The following THSD7B variants were observed in gnomAD, a reference collection of about 807,000 sequenced individuals.
THSD7B encodes thrombospondin type 1 domain containing 7B, also known as thrombospondin type-1 domain-containing protein 7B.
In THSD7B, 138 loss-of-function variants were observed where a neutral mutation model predicts 213.6. The observed-to-expected ratio is 0.65, with a 90% CI of 0.56 to 0.74. The LOEUF (loss-of-function observed/expected upper bound fraction) is 0.74, where lower values mean the gene tolerates loss of function less well. Ranked by LOEUF, THSD7B falls within the 30% of genes least tolerant of loss-of-function variation. THSD7B has a pLI of 0.00. For missense variants in THSD7B, 1,931 were observed against 1,991.5 expected, an observed-to-expected ratio of 0.97 and a Z score of 0.58; for synonymous variants, 742 against 687.0, an observed-to-expected ratio of 1.08 and a Z score of -1.25.
chr2:136,879,061 A>G (rs1683572484), intron 1 of THSD7B, among the ~76,000 whole-genome samples: 1 of 152,186 alleles, frequency 6.6e-6, no homozygotes, highest in Admixed American at 6.5e-5. Context: ...TCTAACATTT[A>G]AATCTTTAAT....
chr2:137,317,020 TATAA>T (rs1472185043), intron 12 of THSD7B, among the ~76,000 whole-genome samples: 1 of 152,136 alleles, frequency 6.6e-6, no homozygotes, highest in Non-Finnish European at 1.5e-5. Context: ...GAATTTAGAG[TATAA>T]ATAGAAGTCT....
At chr2:137,518,014 A>G (rs941441033) in intron 15 of THSD7B, among the ~76,000 whole-genome samples, 5 of 152,256 alleles carry the variant, frequency 3.3e-5, no homozygotes, top group Admixed American at 2.6e-4. Flanking sequence ...GCAGCATTAA[A>G]TCATCAAATG....
intron 13 of THSD7B, among the ~76,000 whole-genome samples, chr2:137,407,348 G>A (rs1220053299): frequency 6.6e-6 from 1 of 151,832 alleles, no homozygotes; most frequent in Non-Finnish European, 1.5e-5. Context: ...ATTAACTGCT[G>A]TACTTTCAGG....
intron 7 of THSD7B, among the ~76,000 whole-genome samples, chr2:137,218,541 T>TAA (rs1302208923): frequency 3.5e-4 from 9 of 25,516 alleles, no homozygotes; most frequent in Non-Finnish European, 7.3e-4. Context: ...GTACGGTTTG[T>TAA]TCTTCTTTAG....
At chr2:136,918,194 C>CA (rs1303537823) in intron 2 of THSD7B, among the ~76,000 whole-genome samples, 5 of 152,120 alleles carry the variant, frequency 3.3e-5, no homozygotes, top group African/African-American at 1.2e-4. Flanking sequence ...GGTCTGGAAA[C>CA]AAAATTGACA....
intron 2 of THSD7B, among the ~76,000 whole-genome samples, chr2:136,892,137 C>T (rs1683872380): frequency 6.6e-6 from 1 of 152,106 alleles, no homozygotes. Context: ...CACAGAGAAA[C>T]AGAGAAGAAC....
intron 10 of THSD7B, among the ~76,000 whole-genome samples, chr2:137,264,099 C>G (rs1682519213): frequency 6.6e-6 from 1 of 152,096 alleles, no homozygotes. Context: ...TAGCAGGTAC[C>G]TCACAAATAT....
chr2:137,214,404 A>G (rs2105037532), intron 7 of THSD7B, among the ~76,000 whole-genome samples: 1 of 152,230 alleles, frequency 6.6e-6, no homozygotes, highest in African/African-American at 2.4e-5. Flanking sequence ...TAAAAGTCAT[A>G]CCTTTGGTAG....
At chr2:137,635,131 C>A (rs561073058) in intron 20 of THSD7B, among the ~76,000 whole-genome samples, 2 of 152,100 alleles carry the variant, frequency 1.3e-5, no homozygotes, top group Non-Finnish European at 2.9e-5. Context: ...TAGCAAATAG[C>A]AAATTTACCC....
chr2:137,296,777 C>G (rs982521951), intron 12 of THSD7B, among the ~76,000 whole-genome samples: 1 of 152,000 alleles, frequency 6.6e-6, no homozygotes, highest in African/African-American at 2.4e-5. Flanking sequence ...GGGTACAGCT[C>G]CTCTCACCTG....
intron 3 of THSD7B, among the ~76,000 whole-genome samples, chr2:137,069,912 T>C (rs1687448697): frequency 2.0e-5 from 3 of 150,912 alleles, no homozygotes; most frequent in South Asian, 4.1e-4. Context: ...TAACTATATA[T>C]CTGTGGAAAT....
At chr2:137,475,678 T>C (rs1019765695) in intron 15 of THSD7B, among the ~76,000 whole-genome samples, 18 of 152,160 alleles carry the variant, frequency 1.2e-4, no homozygotes, top group African/African-American at 3.4e-4. Flanking sequence ...GAATAACATA[T>C]ATGTATTGTG....
intron 5 of THSD7B, among the ~76,000 whole-genome samples, chr2:137,151,139 TAATA>T (rs1679810896): frequency 6.6e-6 from 1 of 152,182 alleles, no homozygotes; most frequent in Non-Finnish European, 1.5e-5. Context: ...CTCTTTTCAA[TAATA>T]AATTAATCTT....
At chr2:137,246,259 AT>A (rs1406686307) in intron 10 of THSD7B, among the ~76,000 whole-genome samples, 1 of 152,234 alleles carries the variant, frequency 6.6e-6, no homozygotes, top group Non-Finnish European at 1.5e-5. Flanking sequence ...AGGTTGGGTC[AT>A]CAAAGTTGAG....
At chr2:137,407,927 A>G (rs886072739) in intron 13 of THSD7B, among the ~76,000 whole-genome samples, 2 of 150,612 alleles carry the variant, frequency 1.3e-5, no homozygotes, top group Admixed American at 6.6e-5. Flanking sequence ...TATATATTAT[A>G]TGAGATATAA....
intron 7 of THSD7B, among the ~76,000 whole-genome samples, chr2:137,187,550 A>G (rs535612162): frequency 3.3e-5 from 5 of 152,206 alleles, no homozygotes; most frequent in Non-Finnish European, 5.9e-5. Context: ...TGCACAGTTG[A>G]GACAGGTATC....
intron 17 of THSD7B, among the ~76,000 whole-genome samples, chr2:137,601,061 G>A (rs539614636): frequency 2.0e-5 from 3 of 152,228 alleles, no homozygotes; most frequent in Non-Finnish European, 2.9e-5. Context: ...GCTATACAAC[G>A]TGTTTGTGTT....
chr2:137,616,202 A>G lies in THSD7B; in HGVS notation c.3451A>G (p.Arg1151Gly). 6.2e-7 allele frequency: 1 copy of G among 1,613,796 alleles called. No individual in the cohort carries two copies. The highest frequency in any genetic ancestry group is 1.1e-5 in the South Asian group (1 of 91,078). The stretch of plus-strand genomic sequence containing the variant: ...ATGCGATCCCCACACAATGCAGAGA[A>G]GAACTCGCCACCTGCTAAGACCATC... ...QSCDPHTMQR[R>G]TRHLLRPSLN... The change falls in exon 18 of 28, where the codon AGA becomes GGA. Residue 1151 changes from arginine to glycine, a missense_variant. Arg to Gly is a moderately radical substitution (Grantham distance 125). Coordinates refer to ENST00000409968, the MANE Select transcript of THSD7B (RefSeq NM_001316349.2).
intron 15 of THSD7B, among the ~76,000 whole-genome samples, chr2:137,455,829 AT>A (rs1687751640): frequency 6.6e-6 from 1 of 152,172 alleles, no homozygotes; most frequent in Non-Finnish European, 1.5e-5. Context: ...TGCACTGTAC[AT>A]TTTTTGCTAC....
Sources: gnomAD v4.1 joint callset for allele counts (sites outside exome capture counted in the v4.1 genomes callset) on GRCh38, gnomAD v4.1.1 for gene constraint, MANE v1.5 for transcripts, NCBI Gene and HGNC (gene_info 2026-07-23, HGNC 2026-07-21) for gene names.